Variants in AGA observed in about 807,000 individuals in gnomAD.
AGA encodes the protein aspartylglucosaminidase, also known as N(4)-(beta-N-acetylglucosaminyl)-L-asparaginase.
Under a neutral mutation model 40.1 loss-of-function variants are expected in AGA, and 31 were observed. The ratio of observed to expected loss-of-function variants is 0.77; its 90% CI spans 0.58 to 1.04. The LOEUF is 1.04. Ranked by LOEUF, AGA falls within the 50% of genes least tolerant of loss-of-function variation. The pLI is 0.00. For missense variants in AGA, 445 were observed against 435.4 expected, an observed-to-expected ratio of 1.02 and a Z score of -0.20; for synonymous variants, 148 against 144.0, an observed-to-expected ratio of 1.03 and a Z score of -0.20.
chr4:177,439,836 A>T, intron 2 of AGA, 148 bp from the exon 3 acceptor site: 1 of 723,750 alleles, frequency 1.4e-6, no homozygotes, highest in South Asian at 1.5e-5. Context: ...AAGTTCATAT[A>T]GATTCCCACA....
At chr4:177,435,640 C>T (rs752112927) in intron 6 of AGA, among the ~76,000 whole-genome samples, 12 of 152,096 alleles carry the variant, frequency 7.9e-5, no homozygotes, top group Non-Finnish European at 1.6e-4. Flanking sequence ...CTCCTTAAAT[C>T]TGGCCCCAGT....
Position 177,431,686 on chromosome 4 carries a change from A to G in AGA, c.*22T>C, listed in dbSNP as rs1288643760. 1.9e-6 allele frequency: 3 copies of G among 1,570,706 alleles called. No homozygotes were observed. The highest frequency in any genetic ancestry group is 2.7e-5 in the African/African-American group (2 of 74,006). The stretch of plus-strand genomic sequence containing the variant: ...CTTTGTTTCTTTCTTCTTTAAATAC[A>G]GATGTTGACAGTAAAGATGGATTAG... On this transcript the variant is annotated 3_prime_UTR_variant, in exon 9 of 9. Coordinates refer to ENST00000264595, the MANE Select transcript of AGA (RefSeq NM_000027.4).
Position 177,430,931 on chromosome 4 carries a change from T to G in AGA, c.*777A>C, listed in dbSNP as rs1310872768. 2.2e-6 allele frequency: 1 copy of G among 453,954 alleles called. No individual in the cohort carries two copies. The highest frequency in any genetic ancestry group is 4.4e-6 in the Non-Finnish European group (1 of 226,782). The allele number at this position is 453,954 out of a possible 1,614,324, so 28.1% of individuals were successfully genotyped here. A position where few individuals can be genotyped will look rare whatever the true frequency, so the allele number is the denominator to read the frequency against. On this transcript the variant is annotated 3_prime_UTR_variant, in exon 9 of 9. Coordinates refer to ENST00000264595, the MANE Select transcript of AGA (RefSeq NM_000027.4). ...GAAACAAACCAAGCTAAACAACCCA[T>G]TTCTTGACTTCTAATTGCCATACCC...
Position 177,435,572 on chromosome 4 carries a change from A to G in AGA, c.698+704T>C, listed in dbSNP as rs563748579. The stretch of plus-strand genomic sequence containing the variant: ...TTACCAGATTTTTTTCTAGTAAGAA[A>G]TGTTTAATGCTTTTCTATTTCAAAA... On this transcript the variant is annotated intron_variant, in intron 6 of 8. Transcript: ENST00000264595. 2.6e-5 allele frequency among the ~76,000 whole-genome samples: 4 copies of G among 152,300 alleles called. No individual in the cohort carries two copies. The East Asian group carries it at 7.7e-4, about 29-fold the overall frequency.
At chr4:177,434,267 T>C in intron 7 of AGA, 115 bp downstream of exon 7, 3 of 964,086 alleles carry the variant, frequency 3.1e-6, no homozygotes, top group Admixed American at 1.8e-5. Flanking sequence ...TCTCCCAAAA[T>C]GCTAGGATTA....
intron 1 of AGA, 135 bp downstream of exon 1, chr4:177,442,114 G>A (rs1198566904): frequency 3.0e-6 from 4 of 1,323,972 alleles, no homozygotes; most frequent in African/African-American, 2.9e-5. Flanking sequence ...AAGACCTAGA[G>A]GGCGGGACCG....
chr4:177,437,410 G>A lies in AGA; in HGVS notation c.617C>T (p.Thr206Ile), dbSNP rs1736858871. 6.2e-7 allele frequency: 1 copy of A among 1,603,768 alleles called. No individual in the cohort carries two copies. The highest frequency in any genetic ancestry group is 8.5e-7 in the Non-Finnish European group (1 of 1,170,758). The change falls in exon 5 of 9, where the codon ACT becomes ATT. Residue 206 changes from threonine to isoleucine, a missense_variant. Coordinates refer to ENST00000264595, the MANE Select transcript of AGA (RefSeq NM_000027.4). ...CTGCACAAAAGGCAAATTACCAATA[G>A]TGTCATGACCACGATCATCTTCTGT... The part of the protein sequence containing the change: ...KETEDDRGHD[T>I]IGMVVIHKTG...
In AGA at chr4:177,437,527, C is replaced by G; in HGVS notation, c.508-8G>C. ...GGGATCTGGTATAACATTCTGTAAA[C>G]AAGATTTAAGTTTTATTTCTTACAA... On this transcript the variant is annotated splice_region_variant and splice_polypyrimidine_tract_variant and intron_variant, in intron 4 of 8. Coordinates refer to ENST00000264595, the MANE Select transcript of AGA (RefSeq NM_000027.4). The G allele has an allele frequency of 1.3e-6, 2 of 1,578,980 alleles. No individual in the cohort carries two copies. The highest frequency in any genetic ancestry group is 2.2e-5 in the South Asian group (2 of 90,264).
At chr4:177,434,299 A>T (rs1364220051) in intron 7 of AGA, 83 bp downstream of exon 7, 2 of 1,314,192 alleles carry the variant, frequency 1.5e-6, no homozygotes, top group African/African-American at 2.9e-5. Flanking sequence ...CACTGCACCC[A>T]GCCTCAAAAA....
At position 177,438,871 on chromosome 4, in the gene AGA, A is replaced by G; in HGVS notation, c.395-14T>C. ...CAAATGTGGTGGCTGGAGATTGGAA[A>G]AAAGGAAAGTATAAATTATTCAAGT... On this transcript the variant is annotated splice_polypyrimidine_tract_variant and intron_variant, in intron 3 of 8. Coordinates refer to ENST00000264595, the MANE Select transcript of AGA (RefSeq NM_000027.4). The G allele has an allele frequency of 6.9e-7, 1 of 1,447,392 alleles. No individual in the cohort carries two copies. The highest frequency in any genetic ancestry group is 9.7e-7 in the Non-Finnish European group (1 of 1,027,702). 89.7% of individuals were successfully genotyped at this position (1,447,392 alleles called of 1,614,324 possible). A position where few individuals can be genotyped will look rare whatever the true frequency, so the allele number is the denominator to read the frequency against.
Position 177,433,295 on chromosome 4 carries a change from G to A in AGA, c.859C>T (p.Gln287Ter), listed in dbSNP as rs1736687730. Residue 287 changes from glutamine to a stop codon, truncating the protein, a stop_gained, in exon 8 of 9, where the codon CAA becomes TAA. Transcript: ENST00000264595. LOFTEE classifies it high-confidence loss of function. ...TTCTGGATTCTTGAAATCACTTTTT[G>A]GCAAGCTATGGTTGGATCTTCTCCT... ...RRGEDPTIAC[Q>*]KVISRIQKHF... 6.2e-7 allele frequency: 1 copy of A among 1,614,034 alleles called. No individual in the cohort carries two copies. The highest frequency in any genetic ancestry group is 8.5e-7 in the Non-Finnish European group (1 of 1,179,970).
At chr4:177,441,387 CAGAT>C (rs1737004198) in intron 1 of AGA, among the ~76,000 whole-genome samples, 1 of 152,134 alleles carries the variant, frequency 6.6e-6, no homozygotes, top group Non-Finnish European at 1.5e-5. Context: ...TTAGCAACCT[CAGAT>C]GGAGGAGGAG....
Position 177,430,785 on chromosome 4 carries a change from T to C in AGA, c.*923A>G. ...CTGAAATTCTAAAGTTTGAATATCG[T>C]ACATGTACATTTATTAATGACTGTT... is the stretch of plus-strand genomic sequence containing the variant. On this transcript the variant is annotated 3_prime_UTR_variant, in exon 9 of 9. Coordinates refer to ENST00000264595, the MANE Select transcript of AGA (RefSeq NM_000027.4). 2.2e-6 allele frequency: 1 copy of C among 453,148 alleles called. No homozygotes were observed. The highest frequency in any genetic ancestry group is 1.6e-5 in the South Asian group (1 of 64,408). 28.1% of individuals were successfully genotyped at this position (453,148 alleles called of 1,614,324 possible).
chr4:177,434,283 G>A (rs1170982883), intron 7 of AGA, 99 bp downstream of exon 7: 16 of 1,097,452 alleles, frequency 1.5e-5, no homozygotes, highest in East Asian at 2.4e-5. Flanking sequence ...GATTACAGTC[G>A]TGAGCCACTG....
chr4:177,436,583 C>T (rs1437119542), intron 5 of AGA, among the ~76,000 whole-genome samples: 2 of 152,096 alleles, frequency 1.3e-5, no homozygotes, highest in Non-Finnish European at 2.9e-5. Context: ...ATAAATGAGG[C>T]CCCAGAGAGC....
Position 177,436,285 on chromosome 4 carries a change from T to C in AGA, c.689A>G (p.Lys230Arg), listed in dbSNP as rs778579846. The change falls in exon 6 of 9, where the codon AAA becomes AGA. Residue 230 changes from lysine (K) to arginine (R), a missense_variant. Transcript: ENST00000264595. ...TTTTGGAAACACTAACCCATGTATT[T>C]TGAATTTTATACCATTTGTAGATGT... ...AGTSTNGIKF[K>R]IHGRVGDSPI... The C allele has an allele frequency of 9.3e-6, 15 of 1,611,982 alleles. No individual in the cohort carries two copies. The highest frequency in any genetic ancestry group is 1.6e-4 in the Middle Eastern group (1 of 6,062).
chr4:177,442,351 C>A lies in AGA; in HGVS notation c.25G>T (p.Val9Leu). Residue 9 changes from valine (V) to leucine (L), a missense_variant, in exon 1 of 9, where the codon GTG becomes TTG. Val to Leu is a conservative substitution (Grantham distance 32). Transcript: ENST00000264595. ...CAGAGCAGAAACGGCACGAGAAGCA[C>A]AGGCAAGTTCGACTTCCGCGCCATC... MARKSNLP[V>L]LLVPFLLCQA... is the part of the protein sequence containing the mutation. 1 of 1,614,110 alleles carries A rather than the reference C, an allele frequency of 6.2e-7. No individual in the cohort carries two copies. The highest frequency in any genetic ancestry group is 8.5e-7 in the Non-Finnish European group (1 of 1,179,962).
At chr4:177,436,198 C>A (rs1736810357) in intron 6 of AGA, 78 bp downstream of exon 6, 1 of 1,210,142 alleles carries the variant, frequency 8.3e-7, no homozygotes, top group Non-Finnish European at 1.2e-6. Context: ...CTGTGCTTTG[C>A]AACCCCCATA....
At chr4:177,440,897 TACA>T (rs1040278857) in intron 1 of AGA, among the ~76,000 whole-genome samples, 21 of 152,178 alleles carry the variant, frequency 1.4e-4, no homozygotes, top group African/African-American at 4.6e-4. Context: ...AGCAAACAAT[TACA>T]ACGTGGACTT....
Sources: gnomAD v4.1 joint callset for allele counts (sites outside exome capture counted in the v4.1 genomes callset) on GRCh38, gnomAD v4.1.1 for gene constraint, MANE v1.5 for transcripts, NCBI Gene and HGNC (gene_info 2026-07-23, HGNC 2026-07-21) for gene names.